The following XPA variants were observed in gnomAD, a reference collection of about 807,000 sequenced individuals.
The protein encoded by XPA is DNA repair protein complementing XP-A cells.
In XPA, 27 loss-of-function variants were observed where a neutral mutation model predicts 35.7. That is an observed-to-expected ratio of 0.76 (90% CI 0.56 to 1.04). XPA has a LOEUF of 1.04. Ranked by LOEUF, XPA falls within the 50% of genes least tolerant of loss-of-function variation. XPA has a pLI of 0.00. For synonymous variants in XPA, 133 were observed against 118.4 expected (o/e 1.12, Z -0.80); for missense variants, 354 against 342.7 (o/e 1.03, Z -0.26).
At chr9:97,657,789 ATTAAT>A in the XPA span, among the ~76,000 whole-genome samples, 112 of 151,638 alleles carry the variant, frequency 7.4e-4, no homozygotes, top group African/African-American at 2.6e-3. Context: ...GTAGGGACTA[ATTAAT>A]TTATATTTCA....
At chr9:97,657,990 C>T in the XPA span, among the ~76,000 whole-genome samples, 6 of 144,202 alleles carry the variant, frequency 4.2e-5, no homozygotes, top group East Asian at 1.3e-3. Flanking sequence ...TCTAGAACAA[C>T]ATATTTAGGA....
At chr9:97,684,829 T>C in intron 5 of XPA, 94 bp downstream of exon 5, 5 of 1,095,046 alleles carry the variant, frequency 4.6e-6, no homozygotes, top group Non-Finnish European at 7.0e-6. Context: ...CACATTCCAA[T>C]CTATTGGTGA....
Position 97,687,145 on chromosome 9 carries a change from T to C in XPA, c.506A>G (p.Asn169Ser). Reference protein sequence around the residue: ...EPPLKFIVKKNPHHSQWGDMK... With the variant: ...EPPLKFIVKKSPHHSQWGDMK... ...ATCACCCCATTGTGAATGATGTGGATTCTTCTTCACAATAAATTTAAGAGG... is the reference window on the plus strand; with the variant it reads ...ATCACCCCATTGTGAATGATGTGGACTCTTCTTCACAATAAATTTAAGAGG... The change falls in exon 4 of 6, where the codon AAT becomes AGT. Residue 169 changes from asparagine (N) to serine (S), a missense_variant. Transcript: ENST00000375128. The C allele has an allele frequency of 6.2e-7, 1 of 1,612,970 alleles. No homozygotes were observed. Among genetic ancestry groups the C allele is most frequent in the Non-Finnish European group, 8.5e-7 (1 of 1,179,740 alleles).
chr9:97,675,542 A>G lies in XPA; in HGVS notation c.719T>C (p.Ile240Thr), dbSNP rs775273880. ...VRSSVWKRET[I>T]VHQHEYGPEE... ...TGGTCCATACTCATGTTGATGAACA[A>G]TCGTCTCCCTTTTCCACACGCTGCT... The change falls in exon 6 of 6, where the codon ATT (isoleucine) becomes ACT (threonine). Residue 240 changes from isoleucine to threonine, a missense_variant. Transcript: ENST00000375128. 77 of 1,613,876 alleles carry G rather than the reference A, an allele frequency of 4.8e-5. 1 individual carries two copies. In the Admixed American group the frequency reaches 9.2e-4, roughly 19 times the overall value.
intron 1 of XPA, among the ~76,000 whole-genome samples, chr9:97,694,006 T>C (rs996213784): frequency 1.3e-4 from 20 of 152,244 alleles, no homozygotes; most frequent in African/African-American, 4.6e-4. Flanking sequence ...TGTAATTATG[T>C]GTGTAAAATA....
chr9:97,686,953 CATT>C (rs1363249565), intron 4 of XPA, 140 bp downstream of exon 4: 3 of 757,064 alleles, frequency 4.0e-6, no homozygotes, highest in Non-Finnish European at 6.4e-6. Context: ...TATTAAATGT[CATT>C]ATACATGACT....
At chr9:97,661,160 ATATATC>A in the XPA span, 5 of 1,503,338 alleles carry the variant, frequency 3.3e-6, no homozygotes, top group Non-Finnish European at 4.5e-6. Context: ...TCTTAAAGCA[ATATATC>A]TATATCTGTT....
chr9:97,675,479 C>G lies in XPA; in HGVS notation c.782G>C (p.Cys261Ser), dbSNP rs770365855. The change falls in exon 6 of 6, where the codon TGT becomes TCT. Residue 261 changes from cysteine (C) to serine (S), a missense_variant. Cys to Ser is a moderately radical substitution (Grantham distance 112). Transcript: ENST00000375128. The stretch of plus-strand genomic sequence containing the variant: ...TGTCAGTTCATGGCCACACATAGTA[C>G]AAGTCTTACGGTACATGTCATCTTC... Reference protein sequence around the residue: ...NLEDDMYRKTCTMCGHELTYE... With the variant: ...NLEDDMYRKTSTMCGHELTYE... 1 of 1,613,622 alleles carries G rather than the reference C, an allele frequency of 6.2e-7. No individual in the cohort carries two copies.
Position 97,697,193 on chromosome 9 carries a change from G to T in XPA, c.100C>A (p.Arg34=). ...CGGGCCTGGCGCAGCATCAGTGCCC[G>T]CTGCCGCTTCCGCTCGATACTCGCC... ...VRASIERKRQ[R]ALMLRQARLA... The change falls in exon 1 of 6, where the codon CGG becomes AGG. Residue 34 remains arginine (R), a synonymous_variant. Transcript: ENST00000375128. 6.3e-7 allele frequency: 1 copy of T among 1,597,868 alleles called. No homozygotes were observed.
chr9:97,694,851 C>T (rs560580800), intron 1 of XPA, among the ~76,000 whole-genome samples: 1 of 152,114 alleles, frequency 6.6e-6, no homozygotes, highest in Non-Finnish European at 1.5e-5. Flanking sequence ...GTGGAAACAA[C>T]CCAAATAGCC....
the XPA span, chr9:97,658,860 G>GT: frequency 2.6e-6 from 2 of 757,594 alleles, no homozygotes; most frequent in East Asian, 5.4e-5. Context: ...TATATTTCCT[G>GT]TATTTGAAAG....
In XPA at chr9:97,685,045, A is replaced by C. The variant is rs1396334386; in HGVS notation, c.556-5T>G. The stretch of plus-strand genomic sequence containing the variant: ...TTCAAGAGACCTCTTCACAATCTAC[A>C]ACACAAAATCCATATTTAAATAAGT... On this transcript the variant is annotated splice_polypyrimidine_tract_variant and splice_region_variant and intron_variant, in intron 4 of 5. Coordinates refer to ENST00000375128, the MANE Select transcript of XPA (RefSeq NM_000380.4). 6.2e-7 allele frequency: 1 copy of C among 1,610,524 alleles called. No individual in the cohort carries two copies. The highest frequency in any genetic ancestry group is 8.5e-7 in the Non-Finnish European group (1 of 1,177,248).
chr9:97,677,596 T>C lies in XPA; in HGVS notation c.674-2009A>G, dbSNP rs777725174. Among the ~76,000 whole-genome samples the C allele has an allele frequency of 6.6e-5, 10 of 152,144 alleles. 1 individual carries two copies. The East Asian group carries it at 1.9e-3, about 29-fold the overall frequency. ...CTGTAGTCCCAGCTACTTGGGAGGC[T>C]GAAGTGGGAGGATTGCTTAAGCCGA... On this transcript the variant is annotated intron_variant, in intron 5 of 5. Transcript: ENST00000375128.
At position 97,693,649 on chromosome 9, in the gene XPA, C is replaced by T; in HGVS notation, c.283G>A (p.Gly95Arg). 2.5e-6 allele frequency: 4 copies of T among 1,613,230 alleles called. No individual in the cohort carries two copies. The highest frequency in any genetic ancestry group is 8.5e-7 in the Non-Finnish European group (1 of 1,179,760). The change falls in exon 2 of 6, where the codon GGA becomes AGA. Residue 95 changes from glycine (G) to arginine (R), a missense_variant and splice_region_variant. Physicochemically the swap from Gly to Arg is moderately radical, Grantham distance 125. Coordinates refer to ENST00000375128, the MANE Select transcript of XPA (RefSeq NM_000380.4). ...CTTATTTTTGAAAAACTCACTTTAC[C>T]TGGTTGATGAACAACTTTTCCAATT... ...QKIGKVVHQP[G>R]PVMEFDYVIC... is the part of the protein sequence containing the mutation.
rs117793492 is a variant in XPA, at chr9:97,684,002, A to G, written c.673+921T>C. ...TTATCTCTACACACTGTACACTACA[A>G]TGGGACTCTGCATAATTACTGCATG... On this transcript the variant is annotated intron_variant, in intron 5 of 5. Coordinates refer to ENST00000375128, the MANE Select transcript of XPA (RefSeq NM_000380.4). Among the ~76,000 whole-genome samples, 106 of 152,344 alleles carry G rather than the reference A, an allele frequency of 7.0e-4. No homozygotes were observed. In the East Asian group the frequency reaches 0.015, roughly 22 times the overall value.
chr9:97,697,031 C>T, intron 1 of XPA, 90 bp downstream of exon 1: 1 of 1,431,802 alleles, frequency 7.0e-7, no homozygotes, highest in South Asian at 1.5e-5. Context: ...TTGACGCGAC[C>T]CCCGGGCCCC....
At chr9:97,658,166 C>T in the XPA span, among the ~76,000 whole-genome samples, 1 of 151,926 alleles carries the variant, frequency 6.6e-6, no homozygotes, top group Non-Finnish European at 1.5e-5. Context: ...TTGGTGGACA[C>T]ACATCCATCC....
At chr9:97,660,777 A>G in the XPA span, among the ~76,000 whole-genome samples, 1 of 152,238 alleles carries the variant, frequency 6.6e-6, no homozygotes, top group Non-Finnish European at 1.5e-5. Flanking sequence ...TATTAGAAAA[A>G]GCTTTCACAT....
At chr9:97,663,778 G>T in the XPA span, among the ~76,000 whole-genome samples, 1,821 of 151,878 alleles carry the variant, frequency 0.012, 36 homozygotes, top group African/African-American at 0.042. Flanking sequence ...GAGCCACCGC[G>T]CCTGGCCAGT....
Sources: allele counts gnomAD v4.1 joint callset (sites outside exome capture counted in the v4.1 genomes callset), GRCh38; gene constraint gnomAD v4.1.1; transcripts MANE v1.5; gene names NCBI Gene and HGNC (gene_info 2026-07-23, HGNC 2026-07-21).